Variants in CPEB3 observed in about 807,000 individuals in gnomAD.
CPEB3 encodes the protein cytoplasmic polyadenylation element-binding protein 3.
In CPEB3, 20 loss-of-function variants were observed where a neutral mutation model predicts 67.2. That is an observed-to-expected ratio of 0.30 (90% CI 0.21 to 0.43). The LOEUF (loss-of-function observed/expected upper bound fraction) is 0.43, where lower values mean the gene tolerates loss of function less well. Ranked by LOEUF, CPEB3 falls within the 20% of genes least tolerant of loss-of-function variation. The pLI is 1.00. For missense variants in CPEB3, 746 were observed against 968.6 expected, an observed-to-expected ratio of 0.77 and a Z score of 3.05; for synonymous variants, 376 against 393.1, an observed-to-expected ratio of 0.96 and a Z score of 0.51.
intron 4 of CPEB3, among the ~76,000 whole-genome samples, chr10:92,177,694 A>G (rs1198288519): frequency 1.3e-5 from 2 of 152,176 alleles, no homozygotes; most frequent in African/African-American, 4.8e-5. Context: ...AGCAGTGGTG[A>G]TTCTTGGAGG....
chr10:92,108,892 A>T (rs1035921767), intron 7 of CPEB3, among the ~76,000 whole-genome samples: 2 of 152,200 alleles, frequency 1.3e-5, no homozygotes, highest in Admixed American at 6.5e-5. Context: ...CAACACCTCC[A>T]TCTGACCCCT....
rs970290282 is a variant in CPEB3 at position 92,216,395 on chromosome 10, C to T, written c.1005+22951G>A. Reference sequence around the variant, plus strand: ...TCAGGCGGAGGTGTGTTCCGGGGAGCGCACCTACCAGGAGCTGCTGGTCAA... The same window carrying T: ...TCAGGCGGAGGTGTGTTCCGGGGAGTGCACCTACCAGGAGCTGCTGGTCAA... On this transcript the variant is annotated intron_variant, in intron 2 of 9. Coordinates refer to ENST00000265997, the MANE Select transcript of CPEB3 (RefSeq NM_014912.5). The T allele has an allele frequency of 3.3e-5, 53 of 1,612,236 alleles. 2 individuals are homozygous for T. In the South Asian group the frequency reaches 5.6e-4, roughly 17 times the overall value.
intron 1 of CPEB3, among the ~76,000 whole-genome samples, chr10:92,269,511 CAA>C (rs749526402): frequency 1.7e-4 from 26 of 152,026 alleles, no homozygotes; most frequent in Non-Finnish European, 2.6e-4. Context: ...AAAAGTGACT[CAA>C]GTGTCATTTC....
intron 8 of CPEB3, among the ~76,000 whole-genome samples, chr10:92,086,466 T>G (rs1377453395): frequency 1.3e-5 from 2 of 152,222 alleles, no homozygotes; most frequent in African/African-American, 4.8e-5. Context: ...CTGTTACTAC[T>G]GTTACTGAGA....
intron 1 of CPEB3, among the ~76,000 whole-genome samples, chr10:92,249,704 AG>A (rs1852214738): frequency 6.6e-6 from 1 of 151,728 alleles, no homozygotes; most frequent in African/African-American, 2.4e-5. Context: ...AGTTGAAAAA[AG>A]TTTATAGAAT....
chr10:92,135,712 G>A (rs1487452448), intron 6 of CPEB3, among the ~76,000 whole-genome samples: 10 of 152,016 alleles, frequency 6.6e-5, no homozygotes, highest in Admixed American at 1.3e-4. Context: ...ACATGCATAC[G>A]TATGTTTATT....
intron 2 of CPEB3, among the ~76,000 whole-genome samples, chr10:92,197,595 A>T (rs1189346911): frequency 2.0e-5 from 3 of 152,174 alleles, no homozygotes; most frequent in Non-Finnish European, 4.4e-5. Flanking sequence ...GCAGCCCATT[A>T]TTGACTCTTT....
chr10:92,271,952 C>A (rs911616632), intron 1 of CPEB3, among the ~76,000 whole-genome samples: 3 of 152,134 alleles, frequency 2.0e-5, no homozygotes, highest in Non-Finnish European at 2.9e-5. Context: ...TTTTCCTCCT[C>A]CCCTAATTTA....
chr10:92,240,699 C>T (rs1851806211), intron 1 of CPEB3, among the ~76,000 whole-genome samples: 1 of 152,130 alleles, frequency 6.6e-6, no homozygotes, highest in African/African-American at 2.4e-5. Context: ...GAGCGTTCGC[C>T]CTGCAATGAG....
At chr10:92,108,056 A>G (rs997689814) in intron 7 of CPEB3, among the ~76,000 whole-genome samples, 2 of 152,204 alleles carry the variant, frequency 1.3e-5, no homozygotes, top group Non-Finnish European at 2.9e-5. Flanking sequence ...AATCTGTTCC[A>G]AAGGGAACAG....
intron 2 of CPEB3, among the ~76,000 whole-genome samples, chr10:92,194,467 T>G (rs1425478571): frequency 1.3e-5 from 2 of 151,948 alleles, no homozygotes; most frequent in Non-Finnish European, 1.5e-5. Flanking sequence ...GTGTTCTAAG[T>G]TGTATTCATG....
intron 2 of CPEB3, among the ~76,000 whole-genome samples, chr10:92,203,239 C>G (rs928817703): frequency 6.6e-6 from 1 of 150,986 alleles, no homozygotes; most frequent in African/African-American, 2.4e-5. Context: ...CCGCGCCCAG[C>G]CTTTAAGCTG....
At chr10:92,086,176 TG>T (rs1355666009) in intron 8 of CPEB3, among the ~76,000 whole-genome samples, 1 of 152,190 alleles carries the variant, frequency 6.6e-6, no homozygotes, top group Admixed American at 6.6e-5. Flanking sequence ...TTCTTCTCTT[TG>T]GAAATAAGGA....
At chr10:92,265,122 T>G (rs906985596) in intron 1 of CPEB3, among the ~76,000 whole-genome samples, 8 of 151,210 alleles carry the variant, frequency 5.3e-5, no homozygotes, top group Admixed American at 5.3e-4. Flanking sequence ...ATCCTGACAC[T>G]GCACTCCAGC....
intron 6 of CPEB3, among the ~76,000 whole-genome samples, chr10:92,140,768 T>G (rs1846369555): frequency 8.7e-6 from 1 of 115,084 alleles, no homozygotes; most frequent in African/African-American, 3.4e-5. Flanking sequence ...TACAATGAAC[T>G]CAAACAAATT....
At chr10:92,121,331 T>A (rs757533329) in intron 6 of CPEB3, among the ~76,000 whole-genome samples, 8 of 148,740 alleles carry the variant, frequency 5.4e-5, no homozygotes, top group East Asian at 1.9e-4. Flanking sequence ...TAAATGGCTA[T>A]TGGGGAAATA....
chr10:92,178,649 T>G lies in CPEB3; in HGVS notation c.1222+2314A>C, dbSNP rs529753920. Among the ~76,000 whole-genome samples the G allele has an allele frequency of 7.2e-5, 11 of 152,182 alleles. No individual in the cohort carries two copies. In the South Asian group the frequency reaches 2.1e-3, roughly 29 times the overall value. ...TGCAGCAAGGAGTTCAAGACCAGCC[T>G]GGGCAACATAGCAACACTTTATCTC... On this transcript the variant is annotated intron_variant, in intron 4 of 9. Coordinates refer to ENST00000265997, the MANE Select transcript of CPEB3 (RefSeq NM_014912.5).
chr10:92,259,695 A>G (rs1852708680), intron 1 of CPEB3, among the ~76,000 whole-genome samples: 2 of 151,910 alleles, frequency 1.3e-5, no homozygotes, highest in Non-Finnish European at 2.9e-5. Context: ...TATGTTAATT[A>G]CCAAACTAGA....
chr10:92,129,780 G>T (rs530228988), intron 6 of CPEB3, among the ~76,000 whole-genome samples: 2 of 152,038 alleles, frequency 1.3e-5, no homozygotes, highest in Non-Finnish European at 2.9e-5. Flanking sequence ...GGTAGCTCAC[G>T]CCTGTAATCC....
Sources: allele counts gnomAD v4.1 joint callset (sites outside exome capture counted in the v4.1 genomes callset), GRCh38; gene constraint gnomAD v4.1.1; transcripts MANE v1.5; gene names NCBI Gene and HGNC (gene_info 2026-07-23, HGNC 2026-07-21).